Variants in BAP1 observed in about 807,000 individuals in gnomAD.
BAP1 encodes BRCA1 associated deubiquitinase 1.
A neutral mutation model predicts 77.2 loss-of-function variants in BAP1; 16 were observed. The observed-to-expected ratio is 0.21, with a 90% confidence interval of 0.14 to 0.31. BAP1 has a LOEUF of 0.31. Among genes scored for constraint, BAP1 ranks in the 10% least tolerant of loss-of-function variants. BAP1 has a pLI of 1.00. For synonymous variants in BAP1, 362 were observed against 385.2 expected, an observed-to-expected ratio of 0.94 and a Z score of 0.71; for missense variants, 699 against 967.3, an observed-to-expected ratio of 0.72 and a Z score of 3.68.
chr3:52,404,670 A>G (rs745366877), intron 11 of BAP1, 84 bp from the exon 12 acceptor site: 32 of 1,542,110 alleles, frequency 2.1e-5, no homozygotes, highest in Non-Finnish European at 2.8e-5. Context: ...GAGAAAGCCA[A>G]CATGGTTTTC....
chr3:52,408,680 T>G, intron 3 of BAP1, 74 bp from the exon 4 acceptor site: 1 of 1,525,312 alleles, frequency 6.6e-7, no homozygotes, highest in East Asian at 2.3e-5. Flanking sequence ...TTTCTCCCAT[T>G]AATCCTTTGC....
rs1705327141 is a variant in BAP1 at position 52,409,992 on chromosome 3, G to A, written c.-114C>T. Reference sequence around the variant, plus strand: ...CCTCAGTCCCACACACAGACAACGGGCCCAGTCGCGTCACCCGCCCGCGCC... The same window carrying A: ...CCTCAGTCCCACACACAGACAACGGACCCAGTCGCGTCACCCGCCCGCGCC... On this transcript the variant is annotated 5_prime_UTR_variant, in exon 1 of 17. Transcript: ENST00000460680. The A allele has an allele frequency of 2.1e-6, 3 of 1,457,088 alleles. No individual in the cohort carries two copies. In the South Asian group the frequency reaches 3.7e-5, roughly 18 times the overall value. 90.3% of individuals were successfully genotyped at this position (1,457,088 alleles called of 1,614,324 possible). A position where few individuals can be genotyped will look rare whatever the true frequency, so the allele number is the denominator to read the frequency against.
rs2153227477 is a variant in BAP1, at chr3:52,406,340, T to C, written c.696A>G (p.Ala232=). The C allele has an allele frequency of 1.9e-6, 3 of 1,614,132 alleles. No individual in the cohort carries two copies. The highest frequency in any genetic ancestry group is 1.1e-5 in the South Asian group (1 of 91,084). The change falls in exon 9 of 17, where the codon GCA becomes GCG. Residue 232 remains alanine, a synonymous_variant. Transcript: ENST00000460680. The surrounding 1 kb of genome is among the most constrained non-coding windows in gnomAD (Gnocchi z 4.6). Reference sequence around the variant, plus strand: ...ACTTGATCCTGCGGTCGGGCACCACTGCCATCAGGTTGAAGCGGATGTCGT... The same window carrying C: ...ACTTGATCCTGCGGTCGGGCACCACCGCCATCAGGTTGAAGCGGATGTCGT... ...PYHDIRFNLM[A]VVPDRRIKYE...
Position 52,405,833 on chromosome 3 carries a change from G to C in BAP1, c.863C>G (p.Ala288Gly), listed in dbSNP as rs545587662. ...CAGCACCAGCGGGGACTTGTTGCTG[G>C]CTGACTTGGACTCCTCAGGCAGCTG... Reference protein sequence around the residue: ...ESQLPEESKSASNKSPLVLEA... With the variant: ...ESQLPEESKSGSNKSPLVLEA... The change falls in exon 10 of 17, where the codon GCC becomes GGC. Residue 288 changes from alanine (A) to glycine (G), a missense_variant. By Grantham distance (60) the Ala-to-Gly change is moderately conservative (BLOSUM62 0). Coordinates refer to ENST00000460680, the MANE Select transcript of BAP1 (RefSeq NM_004656.4). The C allele has an allele frequency of 1.9e-6, 3 of 1,614,080 alleles. No individual in the cohort carries two copies. The South Asian group carries it at 3.3e-5, about 18-fold the overall frequency.
intron 4 of BAP1, 97 bp from the exon 5 acceptor site, chr3:52,408,174 T>TA: frequency 1.3e-6 from 2 of 1,532,644 alleles, no homozygotes; most frequent in Non-Finnish European, 1.8e-6. Flanking sequence ...AGGTCAGTCA[T>TA]ATCTGGACAA....
Position 52,409,627 on chromosome 3 carries a change from A to G in BAP1, c.68-19T>C, listed in dbSNP as rs1705295466. ...TTGACACCTGCGATGAGGAAAGGAA[A>G]GCAGTAGGGAAGGACAGCCCCTGAT... On this transcript the variant is annotated intron_variant, in intron 2 of 16. Coordinates refer to ENST00000460680, the MANE Select transcript of BAP1 (RefSeq NM_004656.4). The G allele has an allele frequency of 6.2e-7, 1 of 1,614,170 alleles. No individual in the cohort carries two copies. Among genetic ancestry groups the G allele is most frequent in the Non-Finnish European group, 8.5e-7 (1 of 1,180,018 alleles).
In BAP1 at chr3:52,401,386, C is replaced by T; in HGVS notation, c.*902G>A. 1 of 233,616 alleles carries T rather than the reference C, an allele frequency of 4.3e-6. No individual in the cohort carries two copies. 14.5% of individuals were successfully genotyped at this position (233,616 alleles called of 1,614,324 possible). A position where few individuals can be genotyped will look rare whatever the true frequency, so the allele number is the denominator to read the frequency against. On this transcript the variant is annotated 3_prime_UTR_variant, in exon 17 of 17. Coordinates refer to ENST00000460680, the MANE Select transcript of BAP1 (RefSeq NM_004656.4). ...GTGGTGCCAGCTTCCTATAAGCAAC[C>T]CTGTCTCTGCTACCCCTGAGAGGGA...
intron 3 of BAP1, 143 bp from the exon 4 acceptor site, chr3:52,408,749 A>T (rs1407364592): frequency 8.9e-7 from 1 of 1,120,820 alleles, no homozygotes; most frequent in East Asian, 2.6e-5. Flanking sequence ...GCTTCTTCCC[A>T]ACACTGTGTC....
Position 52,402,972 on chromosome 3 carries a change from C to G in BAP1, c.1891-101G>C. 1 of 1,602,592 alleles carries G rather than the reference C, an allele frequency of 6.2e-7. No individual in the cohort carries two copies. The highest frequency in any genetic ancestry group is 8.5e-7 in the Non-Finnish European group (1 of 1,178,544). Reference sequence around the variant, plus strand: ...GCAAGGATGAGCAGCGAGTCCATGCCTATCAAGGCCCCTGCCACCACCCAA... The same window carrying G: ...GCAAGGATGAGCAGCGAGTCCATGCGTATCAAGGCCCCTGCCACCACCCAA... On this transcript the variant is annotated intron_variant, in intron 14 of 16. Transcript: ENST00000460680. This position sits in a 1 kb window ranked among gnomAD's most constrained non-coding sequence, Gnocchi z 5.3.
rs1003849389 is a variant in BAP1 at position 52,404,681 on chromosome 3, C to T, written c.1117-95G>A. On this transcript the variant is annotated intron_variant, in intron 11 of 16. Transcript: ENST00000460680. ...CAGAGAGAAAGCCAACATGGTTTTC[C>T]AGACTGAGTCAGCGGAACCCCTCCA... 1.1e-5 allele frequency: 16 copies of T among 1,520,666 alleles called. No individual in the cohort carries two copies. The African/African-American group carries it at 2.1e-4, about 20-fold the overall frequency. The allele number at this position is 1,520,666 out of a possible 1,614,324, so 94.2% of individuals were successfully genotyped here.
Position 52,405,897 on chromosome 3 carries a change from G to A in BAP1, c.799C>T (p.Gln267Ter), listed in dbSNP as rs387906849. 6.2e-7 allele frequency: 1 copy of A among 1,614,108 alleles called. No individual in the cohort carries two copies. Among genetic ancestry groups the A allele is most frequent in the East Asian group, 2.2e-5 (1 of 44,890 alleles). ...EALQQLIRVT[Q>*]PELIQTHKSQ... ...TTGTGGGTCTGAATCAGCTCTGGCT[G>A]TGTTACTCTTATCAGCTAACAACAG... The change falls in exon 10 of 17, where the codon CAG (glutamine) becomes TAG (stop). Residue 267 changes from glutamine to a stop codon, truncating the protein, a stop_gained. Coordinates refer to ENST00000460680, the MANE Select transcript of BAP1 (RefSeq NM_004656.4). LOFTEE classifies it high-confidence loss of function.
At position 52,406,302 on chromosome 3, in the gene BAP1, A is replaced by T. The variant is rs1233224362; in HGVS notation, c.734T>A (p.Leu245Gln). 1 of 1,614,228 alleles carries T rather than the reference A, an allele frequency of 6.2e-7. No individual in the cohort carries two copies. The highest frequency in any genetic ancestry group is 1.7e-5 in the Admixed American group (1 of 60,032). Residue 245 changes from leucine to glutamine, a missense_variant, in exon 9 of 17, where the codon CTG (leucine) becomes CAG (glutamine). Physicochemically the swap from Leu to Gln is moderately radical, Grantham distance 113 (BLOSUM62 -2). Transcript: ENST00000460680. The surrounding 1 kb of genome is among the most constrained non-coding windows in gnomAD (Gnocchi z 4.6). ...PDRRIKYEAR[L>Q]HVLKVNRQTV... ...CTGACGGTTCACCTTCAGCACATGC[A>T]GCCTGGCCTCATACTTGATCCTGCG...
At position 52,406,426 on chromosome 3, in the gene BAP1, A is replaced by G. The variant is rs750348345; in HGVS notation, c.660-50T>C. 8.1e-6 allele frequency: 13 copies of G among 1,607,968 alleles called. No homozygotes were observed. The highest frequency in any genetic ancestry group is 2.2e-5 in the East Asian group (1 of 44,864). ...GAGCAGCTCCCGCCCCGGCCCCGCC[A>G]TCAGGTTGAGGCAGATATCCTGGCA... On this transcript the variant is annotated intron_variant, in intron 8 of 16. Coordinates refer to ENST00000460680, the MANE Select transcript of BAP1 (RefSeq NM_004656.4). This position sits in a 1 kb window ranked among gnomAD's most constrained non-coding sequence, Gnocchi z 4.6.
At chr3:52,405,359 C>T (rs1705117502) in intron 10 of BAP1, 65 bp from the exon 11 acceptor site, 2 of 1,597,720 alleles carry the variant, frequency 1.3e-6, no homozygotes, top group East Asian at 4.5e-5. Context: ...TCACAGTCTC[C>T]CCGGCCCTGT....
intron 7 of BAP1, 113 bp from the exon 8 acceptor site, chr3:52,407,020 C>G (rs1343486453): frequency 2.7e-6 from 4 of 1,488,902 alleles, no homozygotes; most frequent in African/African-American, 2.8e-5. Context: ...AGGAGCTGGT[C>G]GGGCAATATG....
In BAP1 at chr3:52,409,444, G is replaced by C. The variant is rs1454353731; in HGVS notation, c.122+110C>G. On this transcript the variant is annotated intron_variant, in intron 3 of 16. Transcript: ENST00000460680. ...AGAGCAAGGCTGCTGCTTTCTGTGAGATTTTACAACGTAGGGTTCCTGGCA... is the reference window on the plus strand; with the variant it reads ...AGAGCAAGGCTGCTGCTTTCTGTGACATTTTACAACGTAGGGTTCCTGGCA... The C allele has an allele frequency of 3.5e-6, 5 of 1,430,856 alleles. No individual in the cohort carries two copies. The Admixed American group carries it at 5.0e-5, about 14-fold the overall frequency. The allele number at this position is 1,430,856 out of a possible 1,614,324, so 88.6% of individuals were successfully genotyped here. A position where few individuals can be genotyped will look rare whatever the true frequency, so the allele number is the denominator to read the frequency against.
chr3:52,402,131 G>A lies in BAP1; in HGVS notation c.*157C>T, dbSNP rs1281601083. Reference sequence around the variant, plus strand: ...TCTGCCGTGTCAGGCCTCAGGGCACGATGGAAGGAATGTGGCCTGGTTCCT... The same window carrying A: ...TCTGCCGTGTCAGGCCTCAGGGCACAATGGAAGGAATGTGGCCTGGTTCCT... On this transcript the variant is annotated 3_prime_UTR_variant, in exon 17 of 17. Coordinates refer to ENST00000460680, the MANE Select transcript of BAP1 (RefSeq NM_004656.4). This position sits in a 1 kb window ranked among gnomAD's most constrained non-coding sequence, Gnocchi z 5.3. 5.4e-6 allele frequency: 7 copies of A among 1,290,462 alleles called. No individual in the cohort carries two copies. Among genetic ancestry groups the A allele is most frequent in the East Asian group, 5.1e-5 (2 of 39,354 alleles). The allele number at this position is 1,290,462 out of a possible 1,614,324, so 79.9% of individuals were successfully genotyped here.
Position 52,401,895 on chromosome 3 carries a change from A to G in BAP1, c.*393T>C. 1 of 372,246 alleles carries G rather than the reference A, an allele frequency of 2.7e-6. No homozygotes were observed. The highest frequency in any genetic ancestry group is 5.0e-6 in the Non-Finnish European group (1 of 199,272). 23.1% of individuals were successfully genotyped at this position (372,246 alleles called of 1,614,324 possible). A position where few individuals can be genotyped will look rare whatever the true frequency, so the allele number is the denominator to read the frequency against. Reference sequence around the variant, plus strand: ...GGCCCACCAGGACAGCTCCTAGGAGAGAAAGCATAGTCAGGTAGGAACTTA... The same window carrying G: ...GGCCCACCAGGACAGCTCCTAGGAGGGAAAGCATAGTCAGGTAGGAACTTA... On this transcript the variant is annotated 3_prime_UTR_variant, in exon 17 of 17. Coordinates refer to ENST00000460680, the MANE Select transcript of BAP1 (RefSeq NM_004656.4).
At position 52,402,256 on chromosome 3, in the gene BAP1, A is replaced by C. The variant is rs779640381; in HGVS notation, c.*32T>G. Reference sequence around the variant, plus strand: ...GGACCCTGGTGAGGGCCACACGGCAAGAGTGGGCTGCAGAGTCAGGGCCAG... The same window carrying C: ...GGACCCTGGTGAGGGCCACACGGCACGAGTGGGCTGCAGAGTCAGGGCCAG... On this transcript the variant is annotated 3_prime_UTR_variant, in exon 17 of 17. Coordinates refer to ENST00000460680, the MANE Select transcript of BAP1 (RefSeq NM_004656.4). This position sits in a 1 kb window ranked among gnomAD's most constrained non-coding sequence, Gnocchi z 5.3. The C allele has an allele frequency of 7.5e-6, 12 of 1,596,888 alleles. No individual in the cohort carries two copies. The highest frequency in any genetic ancestry group is 4.5e-5 in the East Asian group (2 of 44,286).
Sources: allele counts gnomAD v4.1 joint callset, GRCh38; gene constraint gnomAD v4.1.1; non-coding constraint Gnocchi (gnomAD v3.1); transcripts MANE v1.5; gene names NCBI Gene and HGNC (gene_info 2026-07-23, HGNC 2026-07-21).